CACNA2D3: variants seen among roughly 807,000 people sequenced by gnomAD.
The protein encoded by CACNA2D3 is calcium voltage-gated channel auxiliary subunit alpha2delta 3.
CACNA2D3 carries 60 observed loss-of-function variants against 160.6 expected under a neutral mutation model. The observed-to-expected ratio is 0.37, with a 90% CI of 0.30 to 0.46. CACNA2D3 has a LOEUF of 0.46. Among genes scored for constraint, CACNA2D3 ranks in the 20% least tolerant of loss-of-function variants. CACNA2D3 has a pLI of 1.00. For missense variants in CACNA2D3, 1,205 were observed against 1,365.0 expected, an observed-to-expected ratio of 0.88 and a Z score of 1.85; for synonymous variants, 558 against 492.9, an observed-to-expected ratio of 1.13 and a Z score of -1.75.
At chr3:54,857,752 A>C (rs1397013162) in intron 17 of CACNA2D3, among the ~76,000 whole-genome samples, 1 of 152,146 alleles carries the variant, frequency 6.6e-6, no homozygotes, top group East Asian at 1.9e-4. Flanking sequence ...TTTGCTGTAG[A>C]CTAGAGCTTC....
intron 25 of CACNA2D3, among the ~76,000 whole-genome samples, chr3:54,893,983 C>T (rs1333328465): frequency 2.0e-5 from 3 of 152,136 alleles, no homozygotes; most frequent in African/African-American, 7.2e-5. Flanking sequence ...GTCCATAACA[C>T]TCTTTCACAT....
At chr3:54,605,762 G>A (rs1698596209) in intron 9 of CACNA2D3, among the ~76,000 whole-genome samples, 1 of 152,154 alleles carries the variant, frequency 6.6e-6, no homozygotes, top group Non-Finnish European at 1.5e-5. Context: ...ACATTACTGT[G>A]AATCCTAGTG....
chr3:54,416,352 C>A (rs1699754079), intron 4 of CACNA2D3, among the ~76,000 whole-genome samples: 1 of 152,074 alleles, frequency 6.6e-6, no homozygotes, highest in Non-Finnish European at 1.5e-5. Context: ...TTTTTGGAGC[C>A]CCCAATAGGA....
At chr3:55,057,271 T>C (rs887608319) in intron 35 of CACNA2D3, among the ~76,000 whole-genome samples, 4 of 152,242 alleles carry the variant, frequency 2.6e-5, no homozygotes, top group African/African-American at 9.6e-5. Context: ...TATGTCTTTA[T>C]TAGCAGCATG....
At chr3:54,288,649 T>C (rs1386562343) in intron 2 of CACNA2D3, among the ~76,000 whole-genome samples, 1 of 152,148 alleles carries the variant, frequency 6.6e-6, no homozygotes, top group Admixed American at 6.5e-5. Context: ...ATATCCTTGA[T>C]GAACATTGAT....
chr3:55,015,230 G>A (rs944790925), intron 34 of CACNA2D3, among the ~76,000 whole-genome samples: 2 of 152,088 alleles, frequency 1.3e-5, no homozygotes, highest in Admixed American at 1.3e-4. Flanking sequence ...ACTTCACAGA[G>A]CAGTTAAACA....
At chr3:55,071,385 G>A (rs900100102) in intron 35 of CACNA2D3, among the ~76,000 whole-genome samples, 8 of 152,156 alleles carry the variant, frequency 5.3e-5, no homozygotes, top group Admixed American at 3.3e-4. Flanking sequence ...TGTAGGGGGT[G>A]TTTAATTTCT....
intron 27 of CACNA2D3, among the ~76,000 whole-genome samples, chr3:54,946,737 T>C (rs751824617): frequency 4.0e-5 from 6 of 151,236 alleles, no homozygotes; most frequent in Non-Finnish European, 5.9e-5. Flanking sequence ...ATGCAAAGAA[T>C]CCAATCCTTT....
chr3:54,661,480 A>G (rs1286216893), intron 11 of CACNA2D3, among the ~76,000 whole-genome samples: 1 of 152,132 alleles, frequency 6.6e-6, no homozygotes, highest in Non-Finnish European at 1.5e-5. Context: ...TCTCCACAGA[A>G]TAATTACCTT....
At chr3:54,852,069 G>A (rs569523190) in intron 17 of CACNA2D3, among the ~76,000 whole-genome samples, 30 of 152,278 alleles carry the variant, frequency 2.0e-4, no homozygotes, top group East Asian at 3.9e-4. Flanking sequence ...ACCACCACCC[G>A]TCATTGTGCC....
intron 35 of CACNA2D3, among the ~76,000 whole-genome samples, chr3:55,031,959 A>G (rs535622732): frequency 1.3e-5 from 2 of 152,322 alleles, no homozygotes; most frequent in East Asian, 1.9e-4. Context: ...TTCCATTTCT[A>G]TTGAAGTAGG....
chr3:54,924,948 C>G lies in CACNA2D3; in HGVS notation c.2449+25080C>G, dbSNP rs141303357. 1.3e-3 allele frequency: 2,032 copies of G among 1,611,302 alleles called. 2 individuals carry two copies. Among genetic ancestry groups the G allele is most frequent in the Middle Eastern group, 2.3e-3 (14 of 6,054 alleles). On this transcript the variant is annotated intron_variant, in intron 27 of 37. Coordinates refer to ENST00000474759, the MANE Select transcript of CACNA2D3 (RefSeq NM_018398.3). Reference sequence around the variant, plus strand: ...CAAGTGCTGAAGCCCATGGAAAGCTCCAGGGGCCAGATTTGAAAGGGAATT... The same window carrying G: ...CAAGTGCTGAAGCCCATGGAAAGCTGCAGGGGCCAGATTTGAAAGGGAATT...
chr3:54,217,202 C>G (rs192527447), intron 2 of CACNA2D3, among the ~76,000 whole-genome samples: 1 of 152,102 alleles, frequency 6.6e-6, no homozygotes, highest in Non-Finnish European at 1.5e-5. Context: ...CAGCCAGAGG[C>G]GTGTTCAGCA....
At chr3:54,511,334 G>C (rs2106961873) in intron 5 of CACNA2D3, among the ~76,000 whole-genome samples, 1 of 152,128 alleles carries the variant, frequency 6.6e-6, no homozygotes, top group East Asian at 1.9e-4. Flanking sequence ...CCTTGAACTT[G>C]GAGGCAGGGG....
chr3:55,060,752 A>C (rs1203752058), intron 35 of CACNA2D3, among the ~76,000 whole-genome samples: 3 of 152,116 alleles, frequency 2.0e-5, no homozygotes, highest in Admixed American at 2.0e-4. Context: ...AAGAAGATTT[A>C]CTGAAGACCC....
chr3:54,363,174 A>G (rs1372358725), intron 3 of CACNA2D3, among the ~76,000 whole-genome samples: 1 of 151,554 alleles, frequency 6.6e-6, no homozygotes, highest in South Asian at 2.1e-4. Context: ...CAGCCTAGCG[A>G]TAGAGCGAGA....
chr3:54,840,403 CTTTTTT>C (rs1174129020), intron 16 of CACNA2D3, among the ~76,000 whole-genome samples: 3 of 73,448 alleles, frequency 4.1e-5, no homozygotes, highest in African/African-American at 1.7e-4. Context: ...AGAACCATGT[CTTTTTT>C]TTTTTTTTTT....
At chr3:54,923,767 G>T (rs964314778) in intron 27 of CACNA2D3, among the ~76,000 whole-genome samples, 2 of 152,162 alleles carry the variant, frequency 1.3e-5, no homozygotes, top group African/African-American at 4.8e-5. Flanking sequence ...TCTCACCTGG[G>T]CTTCTGCTCT....
rs1699524192 is a variant in CACNA2D3 at position 54,871,212 on chromosome 3, CA to C, written c.1627-326del. Among the ~76,000 whole-genome samples the C allele has an allele frequency of 6.0e-5, 7 of 116,440 alleles. 1 individual carries two copies. The highest frequency in any genetic ancestry group is 2.2e-4 in the Admixed American group (2 of 9,256). 76.4% of individuals were successfully genotyped at this position (116,440 alleles called of 152,430 possible). On this transcript the variant is annotated intron_variant, in intron 17 of 37. Transcript: ENST00000474759. ...ACACACACACACACACACACACACA[CA>C]CACACACACACCCCCCATTCAAGGA...
Sources: gnomAD v4.1 joint callset for allele counts (sites outside exome capture counted in the v4.1 genomes callset) on GRCh38, gnomAD v4.1.1 for gene constraint, MANE v1.5 for transcripts, NCBI Gene and HGNC (gene_info 2026-07-23, HGNC 2026-07-21) for gene names.